Variants in NAALADL2 observed in about 807,000 individuals in gnomAD.
NAALADL2 encodes N-acetylated alpha-linked acidic dipeptidase like 2, also known as inactive N-acetylated-alpha-linked acidic dipeptidase-like protein 2.
Under a neutral mutation model 87.2 loss-of-function variants are expected in NAALADL2, and 76 were observed. The ratio of observed to expected loss-of-function variants is 0.87; its 90% CI spans 0.72 to 1.05. The LOEUF (loss-of-function observed/expected upper bound fraction) is 1.05, where lower values mean the gene tolerates loss of function less well. Ranked by LOEUF, NAALADL2 falls within the 50% of genes least tolerant of loss-of-function variation. The pLI, the probability that NAALADL2 is intolerant of heterozygous loss-of-function variation, is 0.00. For synonymous variants in NAALADL2, 354 were observed against 331.0 expected, an observed-to-expected ratio of 1.07 and a Z score of -0.75; for missense variants, 1,089 against 945.8, an observed-to-expected ratio of 1.15 and a Z score of -1.99.
chr3:175,348,050 C>G (rs1763339944), intron 5 of NAALADL2, among the ~76,000 whole-genome samples: 1 of 151,950 alleles, frequency 6.6e-6, no homozygotes, highest in Non-Finnish European at 1.5e-5. Flanking sequence ...GGTTAGGTTT[C>G]TTTTGTTTTG....
rs1714517281 is a variant in NAALADL2 at position 175,552,187 on chromosome 3, G to A, written c.1654-23854G>A. Among the ~76,000 whole-genome samples the A allele has an allele frequency of 2.6e-5, 4 of 151,890 alleles. No homozygotes were observed. In the South Asian group the frequency reaches 8.3e-4, roughly 31 times the overall value. ...CAAATGTCTAAGTAAGCATCAAAAT[G>A]ATAATAAAGAAAATATTTGTTAAGT... On this transcript the variant is annotated intron_variant, in intron 9 of 13. Transcript: ENST00000454872.
intron 1 of NAALADL2, among the ~76,000 whole-genome samples, chr3:174,976,712 G>A (rs1744406026): frequency 6.6e-6 from 1 of 152,172 alleles, no homozygotes; most frequent in African/African-American, 2.4e-5. Context: ...CAGCATGTCA[G>A]GAGAATAGTC....
At chr3:175,610,377 G>A (rs1174417705) in intron 10 of NAALADL2, among the ~76,000 whole-genome samples, 2 of 151,838 alleles carry the variant, frequency 1.3e-5, no homozygotes, top group Non-Finnish European at 2.9e-5. Flanking sequence ...CATGTTCAAT[G>A]TACAGATAAT....
chr3:174,968,881 C>T (rs1047251260), intron 1 of NAALADL2, among the ~76,000 whole-genome samples: 1 of 152,106 alleles, frequency 6.6e-6, no homozygotes, highest in African/African-American at 2.4e-5. Context: ...ACCTTTGGGC[C>T]ACTGGTTTTT....
chr3:175,207,674 C>T (rs547334954), intron 2 of NAALADL2, among the ~76,000 whole-genome samples: 1 of 152,190 alleles, frequency 6.6e-6, no homozygotes, highest in South Asian at 2.1e-4. Context: ...TTTGATTATT[C>T]CTTCATTTAG....
intron 2 of NAALADL2, among the ~76,000 whole-genome samples, chr3:175,166,717 A>G (rs1413741041): frequency 4.6e-5 from 7 of 152,086 alleles, no homozygotes; most frequent in East Asian, 1.9e-4. Flanking sequence ...GATTACACCT[A>G]TATTTATATA....
chr3:175,049,632 A>T (rs974673890), intron 1 of NAALADL2, among the ~76,000 whole-genome samples: 6 of 152,146 alleles, frequency 3.9e-5, no homozygotes, highest in African/African-American at 1.4e-4. Flanking sequence ...AGGTAAGGGG[A>T]AAAGAAATAC....
At chr3:174,993,693 TA>T (rs1747049123) in intron 1 of NAALADL2, among the ~76,000 whole-genome samples, 2 of 152,074 alleles carry the variant, frequency 1.3e-5, no homozygotes, top group African/African-American at 2.4e-5. Context: ...AATGAGGAGT[TA>T]AAAAAATAAT....
chr3:175,560,071 C>A (rs574611985), intron 9 of NAALADL2, among the ~76,000 whole-genome samples: 2 of 152,240 alleles, frequency 1.3e-5, no homozygotes, highest in East Asian at 1.9e-4. Flanking sequence ...GAGTCCAAGG[C>A]TTTTCTTTGC....
At chr3:174,684,352 G>A (rs548147777) in intron 2 of NAALADL2, among the ~76,000 whole-genome samples, 2 of 152,002 alleles carry the variant, frequency 1.3e-5, no homozygotes, top group East Asian at 3.9e-4. Context: ...ATAAACCCTT[G>A]CAAAATATGA....
chr3:175,649,432 G>A (rs1020522554), intron 11 of NAALADL2, among the ~76,000 whole-genome samples: 2 of 151,402 alleles, frequency 1.3e-5, no homozygotes, highest in African/African-American at 4.9e-5. Flanking sequence ...AAAATTGTTG[G>A]CATGTGTTTT....
intron 5 of NAALADL2, among the ~76,000 whole-genome samples, chr3:175,404,188 A>G (rs1039761902): frequency 1.3e-4 from 20 of 152,246 alleles, no homozygotes; most frequent in Non-Finnish European, 2.8e-4. Context: ...TGTAGTGGAA[A>G]CAGCAAGTAC....
intron 4 of NAALADL2, among the ~76,000 whole-genome samples, chr3:175,322,081 C>T (rs1478484393): frequency 6.6e-6 from 1 of 150,726 alleles, no homozygotes; most frequent in African/African-American, 2.4e-5. Flanking sequence ...TACCTGACCT[C>T]AAACTATACT....
chr3:175,734,615 G>A (rs1013735320), intron 11 of NAALADL2, among the ~76,000 whole-genome samples: 3 of 152,124 alleles, frequency 2.0e-5, no homozygotes, highest in African/African-American at 7.2e-5. Context: ...CTTGGCTTCT[G>A]TGTACCCACA....
chr3:174,770,018 C>A (rs1292754580), intron 3 of NAALADL2, among the ~76,000 whole-genome samples: 2 of 152,024 alleles, frequency 1.3e-5, no homozygotes, highest in Non-Finnish European at 2.9e-5. Flanking sequence ...AATTGCATAT[C>A]AATGATGAAA....
intron 3 of NAALADL2, among the ~76,000 whole-genome samples, chr3:174,772,680 C>T (rs1234621262): frequency 1.3e-5 from 2 of 152,070 alleles, no homozygotes; most frequent in South Asian, 2.1e-4. Flanking sequence ...CATTAATTTA[C>T]GTGAATGAAG....
At chr3:174,471,043 G>A (rs1716863721) in intron 1 of NAALADL2, among the ~76,000 whole-genome samples, 1 of 151,910 alleles carries the variant, frequency 6.6e-6, no homozygotes, top group Non-Finnish European at 1.5e-5. Context: ...CAAAGGGCAG[G>A]TATATTTTAA....
In NAALADL2 at chr3:175,146,289, A is replaced by G. The variant is rs531826502; in HGVS notation, c.545+48998A>G. 8.5e-5 allele frequency among the ~76,000 whole-genome samples: 13 copies of G among 152,254 alleles called. 1 individual carries two copies. The South Asian group carries it at 1.4e-3, about 17-fold the overall frequency. On this transcript the variant is annotated intron_variant, in intron 2 of 13. Coordinates refer to ENST00000454872, the MANE Select transcript of NAALADL2 (RefSeq NM_207015.3). ...AAGTGAGTCTCTGGTCTACCCAGAA[A>G]AAAGAGAAGGACTGTGGAAAACAAT...
chr3:175,318,566 C>T (rs540962166), intron 4 of NAALADL2, among the ~76,000 whole-genome samples: 54 of 152,076 alleles, frequency 3.6e-4, no homozygotes, highest in African/African-American at 1.2e-3. Flanking sequence ...ATGAACAATA[C>T]TCCCACCTAC....
Sources: allele counts gnomAD v4.1 joint callset (sites outside exome capture counted in the v4.1 genomes callset), GRCh38; gene constraint gnomAD v4.1.1; transcripts MANE v1.5; gene names NCBI Gene and HGNC (gene_info 2026-07-23, HGNC 2026-07-21).